Variants in MYT1L observed in about 807,000 individuals in gnomAD.
MYT1L encodes myelin transcription factor 1 like, also known as myelin transcription factor 1-like protein.
In MYT1L, 12 loss-of-function variants were observed where a neutral mutation model predicts 126.7. That is an observed-to-expected ratio of 0.09 (90% CI 0.06 to 0.15). MYT1L has a LOEUF of 0.15. Among genes scored for constraint, MYT1L ranks in the 10% least tolerant of loss-of-function variants. The probability of loss-of-function intolerance (pLI) is 1.00; values close to 1 mark genes in which losing one functional copy is unlikely to be tolerated. For missense variants in MYT1L, 979 were observed against 1,585.2 expected, an observed-to-expected ratio of 0.62 and a Z score of 6.49; for synonymous variants, 541 against 604.2, an observed-to-expected ratio of 0.90 and a Z score of 1.53.
intron 18 of MYT1L, among the ~76,000 whole-genome samples, chr2:1,867,634 G>A (rs1445898104): frequency 2.0e-5 from 3 of 152,144 alleles, no homozygotes; most frequent in Admixed American, 1.3e-4. Context: ...TGGGGGTGGG[G>A]GACCTCGGGG....
intron 8 of MYT1L, among the ~76,000 whole-genome samples, chr2:1,955,484 T>C (rs2058266016): frequency 1.3e-5 from 2 of 152,182 alleles, no homozygotes; most frequent in South Asian, 4.1e-4. Flanking sequence ...AGGCAAAATA[T>C]GCCTCTCTAG....
intron 1 of MYT1L, among the ~76,000 whole-genome samples, chr2:2,330,591 A>C (rs1201174037): frequency 1.3e-5 from 2 of 152,220 alleles, no homozygotes; most frequent in Non-Finnish European, 2.9e-5. Context: ...TAACATTTTA[A>C]TTGCCTTTGC....
intron 8 of MYT1L, among the ~76,000 whole-genome samples, chr2:1,952,004 T>C (rs1016242959): frequency 2.6e-5 from 4 of 152,248 alleles, no homozygotes; most frequent in African/African-American, 9.6e-5. Flanking sequence ...ACTACATACT[T>C]CCTTCCTTTT....
At chr2:2,169,818 T>C (rs941042608) in intron 3 of MYT1L, among the ~76,000 whole-genome samples, 3 of 152,152 alleles carry the variant, frequency 2.0e-5, no homozygotes, top group African/African-American at 7.2e-5. Context: ...TTCTTTTGGC[T>C]TATGCGCGGT....
chr2:2,112,380 G>A lies in MYT1L; in HGVS notation c.-303-58257C>T, dbSNP rs183481118. Among the ~76,000 whole-genome samples, 195 of 152,346 alleles carry A rather than the reference G, an allele frequency of 1.3e-3. 1 individual carries two copies. The highest frequency in any genetic ancestry group is 4.6e-3 in the African/African-American group (191 of 41,586). ...CCCACAATTTACTGGTCAAAGGAAA[G>A]TATTGTACGTTTGAAACACTTTAAA... On this transcript the variant is annotated intron_variant, in intron 3 of 24. Transcript: ENST00000647738.
intron 1 of MYT1L, among the ~76,000 whole-genome samples, chr2:2,308,848 C>T (rs575249082): frequency 6.2e-4 from 94 of 151,924 alleles, no homozygotes; most frequent in Non-Finnish European, 1.1e-3. Flanking sequence ...TCAGTACATT[C>T]GACCTATATC....
At chr2:1,845,175 C>T (rs1020975614) in intron 19 of MYT1L, among the ~76,000 whole-genome samples, 1 of 152,062 alleles carries the variant, frequency 6.6e-6, no homozygotes, top group Non-Finnish European at 1.5e-5. Flanking sequence ...GATGACGTTT[C>T]ATCATGTTAG....
chr2:2,277,838 C>A (rs1169512305), intron 2 of MYT1L, among the ~76,000 whole-genome samples: 2 of 152,086 alleles, frequency 1.3e-5, no homozygotes, highest in East Asian at 3.9e-4. Context: ...TATGGCTAAG[C>A]TACCTAATCA....
chr2:1,909,874 G>T (rs1433657215), intron 13 of MYT1L, among the ~76,000 whole-genome samples: 1 of 152,164 alleles, frequency 6.6e-6, no homozygotes, highest in Non-Finnish European at 1.5e-5. Flanking sequence ...TTGGTGTGAG[G>T]CCCTATCCTG....
intron 2 of MYT1L, among the ~76,000 whole-genome samples, chr2:2,272,035 C>T (rs1042646468): frequency 6.6e-6 from 1 of 152,194 alleles, no homozygotes; most frequent in South Asian, 2.1e-4. Flanking sequence ...TGCATCCTGG[C>T]GAGGCCTCGC....
chr2:2,016,134 T>C (rs929655785), intron 4 of MYT1L, among the ~76,000 whole-genome samples: 2 of 152,362 alleles, frequency 1.3e-5, no homozygotes, highest in Middle Eastern at 3.4e-3. Context: ...AGGAGCTTTG[T>C]CCACATCCAC....
intron 2 of MYT1L, among the ~76,000 whole-genome samples, chr2:2,271,872 T>C (rs2095270468): frequency 6.6e-6 from 1 of 152,240 alleles, no homozygotes; most frequent in African/African-American, 2.4e-5. Flanking sequence ...CAGCCCATAA[T>C]AGCGGTGTTT....
chr2:1,949,336 G>A (rs370630007), intron 8 of MYT1L, among the ~76,000 whole-genome samples: 46 of 152,184 alleles, frequency 3.0e-4, no homozygotes, highest in Admixed American at 2.6e-3. Context: ...TTTAGGTTAC[G>A]CAGGGTTACA....
rs116471897 is a variant in MYT1L at position 2,254,925 on chromosome 2, C to G, written c.-421+29479G>C. Among the ~76,000 whole-genome samples, 8 of 152,212 alleles carry G rather than the reference C, an allele frequency of 5.3e-5. 1 individual carries two copies. In the East Asian group the frequency reaches 1.4e-3, roughly 26 times the overall value. ...CAAGGAAATGATCTATATTTTTTCT[C>G]GACTTCTATAATATACATGTGCCAT... On this transcript the variant is annotated intron_variant, in intron 2 of 24. Transcript: ENST00000647738.
chr2:2,331,000 A>G lies in MYT1L; in HGVS notation c.-554T>C, dbSNP rs1232109484. 1 of 152,172 alleles carries G rather than the reference A, an allele frequency of 6.6e-6. No homozygotes were observed. Among genetic ancestry groups the G allele is most frequent in the East Asian group, 1.9e-4 (1 of 5,180 alleles). 9.4% of individuals were successfully genotyped at this position (152,172 alleles called of 1,614,324 possible). On this transcript the variant is annotated 5_prime_UTR_variant, in exon 1 of 25. Transcript: ENST00000647738. ...GACCACAACCGCTCACAAGCGAAAG[A>G]CAAGTTCAATTTTGGTAACTGTGCT...
chr2:2,004,210 T>TGTTCTTTCCTGCATGC (rs2062804937), intron 4 of MYT1L, among the ~76,000 whole-genome samples: 1 of 48,428 alleles, frequency 2.1e-5, no homozygotes, highest in Non-Finnish European at 4.0e-5. Flanking sequence ...TTCCTGAATG[T>TGTTCTTTCCTGCATGC]GTTCTTTCCT....
At chr2:1,882,941 G>A (rs904507446) in intron 18 of MYT1L, among the ~76,000 whole-genome samples, 1 of 152,202 alleles carries the variant, frequency 6.6e-6, no homozygotes, top group Non-Finnish European at 1.5e-5. Context: ...TTAAAAAGAT[G>A]TGTTAGATGT....
chr2:2,157,030 G>A (rs530806649), intron 3 of MYT1L, among the ~76,000 whole-genome samples: 2 of 152,326 alleles, frequency 1.3e-5, no homozygotes, highest in African/African-American at 4.8e-5. Flanking sequence ...TTTTGACCAT[G>A]TTACAATGGG....
chr2:2,082,798 TAAAACCA>T (rs1284595724), intron 3 of MYT1L, among the ~76,000 whole-genome samples: 2 of 152,214 alleles, frequency 1.3e-5, no homozygotes, highest in Non-Finnish European at 2.9e-5. Context: ...TGATTAGGAA[TAAAACCA>T]GTGGCTTTCA....
Sources: gnomAD v4.1 joint callset for allele counts (sites outside exome capture counted in the v4.1 genomes callset) on GRCh38, gnomAD v4.1.1 for gene constraint, MANE v1.5 for transcripts, NCBI Gene and HGNC (gene_info 2026-07-23, HGNC 2026-07-21) for gene names.